The following DAB2IP variants were observed in gnomAD, a reference collection of about 807,000 sequenced individuals.
The protein encoded by DAB2IP is disabled homolog 2-interacting protein.
Under a neutral mutation model 107.2 loss-of-function variants are expected in DAB2IP, and 28 were observed. The ratio of observed to expected loss-of-function variants is 0.26; its 90% CI spans 0.19 to 0.36. DAB2IP has a LOEUF of 0.36. DAB2IP is among the 10% of genes least tolerant of loss of function. The probability of loss-of-function intolerance (pLI) is 1.00; values close to 1 mark genes in which losing one functional copy is unlikely to be tolerated. For missense variants in DAB2IP, 1,400 were observed against 1,644.7 expected (o/e 0.85, Z 2.57); for synonymous variants, 755 against 706.4 (o/e 1.07, Z -1.09).
At chr9:121,695,803 C>T (rs1246352685) in intron 2 of DAB2IP, among the ~76,000 whole-genome samples, 3 of 152,222 alleles carry the variant, frequency 2.0e-5, no homozygotes, top group African/African-American at 7.2e-5. Flanking sequence ...TTGCACATGG[C>T]TTTTGTTGAG....
rs1041447070 is a variant in DAB2IP, at chr9:121,572,068, C to G, written c.40+4840C>G. ...CCAGCTCAGAGAAGCATGTCCTTTC[C>G]GTCTGCCTTGTGATTTCCAAAGAAG... is the stretch of plus-strand genomic sequence containing the variant. On this transcript the variant is annotated intron_variant, in intron 1 of 16. Coordinates refer to the DAB2IP transcript ENST00000259371. Among the ~76,000 whole-genome samples the G allele has an allele frequency of 7.9e-5, 12 of 152,140 alleles. 1 individual carries two copies. Among genetic ancestry groups the G allele is most frequent in the African/African-American group, 2.9e-4 (12 of 41,368 alleles).
At chr9:121,681,602 A>T (rs1464478031) in intron 2 of DAB2IP, among the ~76,000 whole-genome samples, 1 of 152,146 alleles carries the variant, frequency 6.6e-6, no homozygotes, top group African/African-American at 2.4e-5. Context: ...CCCATTTCAC[A>T]GGTGAGGAAA....
chr9:121,685,352 G>A (rs1195276498), intron 2 of DAB2IP, among the ~76,000 whole-genome samples: 1 of 152,250 alleles, frequency 6.6e-6, no homozygotes, highest in Non-Finnish European at 1.5e-5. Context: ...TTCGGGGCAG[G>A]AGTCTGGGGA....
intron 3 of DAB2IP, chr9:121,737,777 G>A: frequency 1.0e-6 from 1 of 985,310 alleles, no homozygotes; most frequent in Non-Finnish European, 1.2e-6. Flanking sequence ...TCCCCGGTGG[G>A]TGGGTCTCCA....
At chr9:121,585,281 TCCTTGCATAGGAACTTG>T (rs912208600) in intron 1 of DAB2IP, among the ~76,000 whole-genome samples, 3 of 152,250 alleles carry the variant, frequency 2.0e-5, no homozygotes, top group African/African-American at 7.2e-5. Flanking sequence ...TCAGGATTCT[TCCTTGCATAGGAACTTG>T]GGGAAGGTTC....
At chr9:121,649,852 C>T (rs1202267259), upstream of DAB2IP, among the ~76,000 whole-genome samples, 1 of 152,206 alleles carries the variant, frequency 6.6e-6, no homozygotes, top group Non-Finnish European at 1.5e-5. Context: ...GACGTTCCTG[C>T]ACCATGTCTG....
intron 3 of DAB2IP, among the ~76,000 whole-genome samples, chr9:121,705,262 A>G (rs1830001247): frequency 6.6e-6 from 1 of 152,122 alleles, no homozygotes; most frequent in Admixed American, 6.5e-5. Flanking sequence ...CGTCTTTTGT[A>G]TGTGTTGCAA....
intron 1 of DAB2IP, among the ~76,000 whole-genome samples, chr9:121,571,012 G>A (rs1019092414): frequency 5.3e-5 from 8 of 151,720 alleles, no homozygotes; most frequent in Admixed American, 1.3e-4. Context: ...TCACTCCCTC[G>A]CTTCCCGCCA....
At chr9:121,739,024 G>C (rs76496582) in intron 3 of DAB2IP, among the ~76,000 whole-genome samples, 12,118 of 152,314 alleles carry the variant, frequency 0.08, 1,123 homozygotes, top group African/African-American at 0.23. Context: ...CAGCACCTGT[G>C]TTCCCAGTGC....
At chr9:121,785,301 A>T (rs933875757) in exon 16 of DAB2IP, 1 of 152,570 alleles carries the variant, frequency 6.6e-6, no homozygotes, top group African/African-American at 2.4e-5. Flanking sequence ...ACACTCAGCC[A>T]CAAAGCCCCC....
chr9:121,780,302 C>T (rs893491781), intron 14 of DAB2IP, among the ~76,000 whole-genome samples: 1 of 152,198 alleles, frequency 6.6e-6, no homozygotes, highest in Non-Finnish European at 1.5e-5. Context: ...CAGAGTGATA[C>T]CTTCCTGTAC....
intron 1 of DAB2IP, among the ~76,000 whole-genome samples, chr9:121,646,421 C>T (rs1003048213): frequency 1.3e-5 from 2 of 152,100 alleles, no homozygotes; most frequent in Non-Finnish European, 2.9e-5. Flanking sequence ...TGCAGGAAGT[C>T]GTCATTGCCT....
rs76739345 is a variant in DAB2IP at position 121,755,539 on chromosome 9, G to C, written c.363-1474G>C. The stretch of plus-strand genomic sequence containing the variant: ...CTGGGGCTCCTGGGCTGGCCTCTGT[G>C]GGGTATCTAAGGGTTGGGATTCCCT... On this transcript the variant is annotated intron_variant, in intron 3 of 15. Transcript: ENST00000408936. 8.0e-3 allele frequency among the ~76,000 whole-genome samples: 1,215 copies of C among 152,308 alleles called. 13 individuals are homozygous for C. Among genetic ancestry groups the C allele is most frequent in the African/African-American group, 0.024 (977 of 41,574 alleles).
chr9:121,697,175 C>T (rs906268166), intron 2 of DAB2IP, among the ~76,000 whole-genome samples: 4 of 152,108 alleles, frequency 2.6e-5, no homozygotes, highest in Non-Finnish European at 4.4e-5. Flanking sequence ...GTGCATCAAA[C>T]CTCCTAGACG....
chr9:121,742,783 A>G, intron 3 of DAB2IP: 2 of 985,328 alleles, frequency 2.0e-6, no homozygotes, highest in East Asian at 1.1e-4. Flanking sequence ...ACCTTCCCCT[A>G]GTGTTCCTCT....
intron 11 of DAB2IP, among the ~76,000 whole-genome samples, chr9:121,771,511 G>A (rs955348161): frequency 1.3e-5 from 2 of 152,160 alleles, no homozygotes; most frequent in Admixed American, 6.5e-5. Flanking sequence ...CCCAGGAGGG[G>A]CCAGAGATGC....
chr9:121,759,779 C>A (rs1833754359), intron 5 of DAB2IP, 106 bp from the exon 6 acceptor site: 2 of 1,065,518 alleles, frequency 1.9e-6, no homozygotes, highest in South Asian at 3.3e-5. Flanking sequence ...GCCGCCTCCA[C>A]CTTCAGAGCT....
intron 1 of DAB2IP, among the ~76,000 whole-genome samples, chr9:121,582,289 G>A (rs1830214782): frequency 6.6e-6 from 1 of 152,174 alleles, no homozygotes; most frequent in African/African-American, 2.4e-5. Context: ...GTCAGGGACT[G>A]CCTTGAGGTG....
intron 3 of DAB2IP, chr9:121,752,059 C>T (rs1348122693): frequency 1.5e-5 from 15 of 982,608 alleles, no homozygotes; most frequent in East Asian, 2.3e-4. Flanking sequence ...CGGCTGGGGC[C>T]GTGGGGAGCA....
Sources: allele counts gnomAD v4.1 joint callset (sites outside exome capture counted in the v4.1 genomes callset), GRCh38; gene constraint gnomAD v4.1.1; transcripts MANE v1.5; gene names NCBI Gene and HGNC (gene_info 2026-07-23, HGNC 2026-07-21).